ELAVL1: variants seen among roughly 807,000 people sequenced by gnomAD.
ELAVL1 encodes ELAV like RNA binding protein 1, also known as ELAV-like protein 1.
A neutral mutation model predicts 28.4 loss-of-function variants in ELAVL1; 1 was observed. That is an observed-to-expected ratio of 0.04 (90% CI 0.01 to 0.17). The LOEUF is 0.17. ELAVL1 is among the 10% of genes least tolerant of loss of function. The pLI is 1.00. For synonymous variants in ELAVL1, 174 were observed against 183.5 expected (o/e 0.95, Z 0.42); for missense variants, 157 against 447.2 (o/e 0.35, Z 5.85).
At chr19:8,000,496 T>C (rs1406711525) in intron 1 of ELAVL1, among the ~76,000 whole-genome samples, 2 of 152,178 alleles carry the variant, frequency 1.3e-5, no homozygotes, top group Admixed American at 6.5e-5. Flanking sequence ...AGAGCAAAAC[T>C]AGAACAGTCA....
In ELAVL1 at chr19:8,000,860, G is replaced by A. The variant is rs377227542; in HGVS notation, c.-17+4635C>T. On this transcript the variant is annotated intron_variant, in intron 1 of 5. Coordinates refer to ENST00000407627, the MANE Select transcript of ELAVL1 (RefSeq NM_001419.3). ...GGAGCAGGTCAGGTGTGGCTGGCCT[G>A]TGGCCCAGTCCAGGCACCCCACAGC... Among the ~76,000 whole-genome samples the A allele has an allele frequency of 6.0e-4, 92 of 152,366 alleles. 1 individual carries two copies. In the East Asian group the frequency reaches 6.7e-3, roughly 11 times the overall value.
chr19:7,996,059 C>T (rs1271582054), intron 1 of ELAVL1, among the ~76,000 whole-genome samples: 3 of 151,944 alleles, frequency 2.0e-5, no homozygotes, highest in East Asian at 1.9e-4. Flanking sequence ...TATTTTTTGT[C>T]GAGATAGGGT....
At chr19:8,002,085 G>T (rs1275591425) in intron 1 of ELAVL1, 1 of 1,289,298 alleles carries the variant, frequency 7.8e-7, no homozygotes, top group East Asian at 5.6e-5. Context: ...CTGCCCAGTG[G>T]ACACCTGAGC....
intron 2 of ELAVL1, among the ~76,000 whole-genome samples, chr19:7,988,350 G>A (rs1364757556): frequency 6.6e-6 from 1 of 152,188 alleles, no homozygotes; most frequent in Non-Finnish European, 1.5e-5. Flanking sequence ...TGGGAGCCAT[G>A]AGGTGACTCT....
At chr19:7,973,639 A>C in intron 4 of ELAVL1, 86 bp downstream of exon 4, 1 of 1,496,576 alleles carries the variant, frequency 6.7e-7, no homozygotes, top group Non-Finnish European at 9.1e-7. Flanking sequence ...ATGACATTTA[A>C]AATCAAACGG....
intron 4 of ELAVL1, among the ~76,000 whole-genome samples, chr19:7,970,431 AG>A (rs1469930246): frequency 1.6e-4 from 25 of 152,308 alleles, no homozygotes; most frequent in Non-Finnish European, 2.6e-4. Flanking sequence ...CTGGGATTAC[AG>A]GCATAAGCCA....
intron 3 of ELAVL1, among the ~76,000 whole-genome samples, chr19:7,978,377 G>C (rs886709424): frequency 1.3e-5 from 2 of 152,180 alleles, no homozygotes; most frequent in Non-Finnish European, 2.9e-5. Context: ...TGACCTCCAG[G>C]GTGGGGGAGG....
At chr19:7,990,468 C>T (rs1985721387) in intron 2 of ELAVL1, among the ~76,000 whole-genome samples, 1 of 151,234 alleles carries the variant, frequency 6.6e-6, no homozygotes, top group Admixed American at 6.6e-5. Flanking sequence ...GAGACTCAAG[C>T]AATTCTCCTG....
intron 1 of ELAVL1, chr19:8,002,122 C>T (rs1260664723): frequency 7.8e-7 from 1 of 1,289,300 alleles, no homozygotes; most frequent in Non-Finnish European, 1.0e-6. Context: ...CCCATCTCAG[C>T]CTTCTTGTCC....
chr19:7,973,340 C>T (rs1985174915), intron 4 of ELAVL1: 2 of 330,168 alleles, frequency 6.1e-6, no homozygotes, highest in Non-Finnish European at 1.1e-5. Flanking sequence ...ATGCCATTCT[C>T]CTGTCTCAGC....
At chr19:7,966,754 G>A (rs182327847) in intron 5 of ELAVL1, among the ~76,000 whole-genome samples, 5 of 150,790 alleles carry the variant, frequency 3.3e-5, no homozygotes, top group East Asian at 4.0e-4. Flanking sequence ...TGAGTAGCTG[G>A]GACTAAAGGC....
At chr19:7,975,755 C>T (rs183338807) in intron 3 of ELAVL1, among the ~76,000 whole-genome samples, 5 of 152,272 alleles carry the variant, frequency 3.3e-5, no homozygotes, top group African/African-American at 2.4e-5. Context: ...TCAGTTAAGA[C>T]GAGGTCACAC....
At chr19:8,003,355 CAAAAAAAAAAAAAAA>C (rs71165248) in intron 1 of ELAVL1, among the ~76,000 whole-genome samples, 1 of 61,092 alleles carries the variant, frequency 1.6e-5, no homozygotes, top group South Asian at 9.7e-4. Context: ...GAAACTGTCT[CAAAAAAAAAAAAAAA>C]AAAAGAAAAA....
intron 1 of ELAVL1, among the ~76,000 whole-genome samples, chr19:7,997,026 CA>C (rs2081052058): frequency 6.6e-6 from 1 of 152,220 alleles, no homozygotes; most frequent in East Asian, 1.9e-4. Flanking sequence ...CCAACAGCAA[CA>C]AAACAGACAA....
At chr19:8,002,370 G>A (rs909254903) in intron 1 of ELAVL1, among the ~76,000 whole-genome samples, 9 of 152,128 alleles carry the variant, frequency 5.9e-5, no homozygotes, top group African/African-American at 1.7e-4. Flanking sequence ...GCACTCATCA[G>A]AGTGGGCTGA....
rs972960899 is a variant in ELAVL1 at position 7,981,301 on chromosome 19, C to T, written c.173-115G>A. ...TGGGAAATGGGATTACAGGTGCTAG[C>T]AAACTTTATTTTCTTTGGCAAACAC... On this transcript the variant is annotated intron_variant, in intron 2 of 5. Transcript: ENST00000407627. This position sits in a 1 kb window ranked among gnomAD's most constrained non-coding sequence, Gnocchi z 4.2. 6.7e-6 allele frequency: 6 copies of T among 897,604 alleles called. No individual in the cohort carries two copies. The highest frequency in any genetic ancestry group is 1.1e-5 in the Non-Finnish European group (6 of 556,438). The allele number at this position is 897,604 out of a possible 1,614,324, so 55.6% of individuals were successfully genotyped here.
At chr19:7,969,159 G>A (rs907783660) in intron 4 of ELAVL1, among the ~76,000 whole-genome samples, 4 of 152,242 alleles carry the variant, frequency 2.6e-5, no homozygotes, top group Non-Finnish European at 5.9e-5. Context: ...CTGAGGCCAG[G>A]AGTTCAAGAC....
At chr19:7,967,873 T>C (rs1444861961) in intron 4 of ELAVL1, 83 bp from the exon 5 acceptor site, 1 of 1,455,188 alleles carries the variant, frequency 6.9e-7, no homozygotes, top group Non-Finnish European at 9.4e-7. Context: ...CAGGTCAGTC[T>C]ACTGTGGGCC....
At position 7,982,416 on chromosome 19, in the gene ELAVL1, C is replaced by A. The variant is rs1266503451; in HGVS notation, c.173-1230G>T. Among the ~76,000 whole-genome samples, 1 of 152,230 alleles carries A rather than the reference C, an allele frequency of 6.6e-6. No individual in the cohort carries two copies. Among genetic ancestry groups the A allele is most frequent in the Non-Finnish European group, 1.5e-5 (1 of 68,048 alleles). On this transcript the variant is annotated intron_variant, in intron 2 of 5. Transcript: ENST00000407627. The surrounding 1 kb of genome is among the most constrained non-coding windows in gnomAD (Gnocchi z 4.3). Reference sequence around the variant, plus strand: ...GAGGTGGCCTGGAGCCCCACTGAGGCAGAGATCCTCCTGGCAGCTGGGCCA... The same window carrying A: ...GAGGTGGCCTGGAGCCCCACTGAGGAAGAGATCCTCCTGGCAGCTGGGCCA...
Sources: allele counts gnomAD v4.1 joint callset (sites outside exome capture counted in the v4.1 genomes callset), GRCh38; gene constraint gnomAD v4.1.1; non-coding constraint Gnocchi (gnomAD v3.1); transcripts MANE v1.5; gene names NCBI Gene and HGNC (gene_info 2026-07-23, HGNC 2026-07-21).